Variants in SORCS2 observed in about 807,000 individuals in gnomAD.
SORCS2 encodes sortilin related VPS10 domain containing receptor 2.
SORCS2 carries 100 observed loss-of-function variants against 141.6 expected under a neutral mutation model. The observed-to-expected ratio is 0.71, with a 90% CI of 0.60 to 0.83. The LOEUF (loss-of-function observed/expected upper bound fraction) is 0.83, where lower values mean the gene tolerates loss of function less well. SORCS2 is among the 40% of genes least tolerant of loss of function. The probability of loss-of-function intolerance (pLI) is 0.00; values close to 1 mark genes in which losing one functional copy is unlikely to be tolerated. For missense variants in SORCS2, 1,646 were observed against 1,560.2 expected, an observed-to-expected ratio of 1.05 and a Z score of -0.93; for synonymous variants, 789 against 676.9, an observed-to-expected ratio of 1.17 and a Z score of -2.57.
At chr4:7,314,810 T>G (rs1406317042) in intron 1 of SORCS2, among the ~76,000 whole-genome samples, 5 of 78,324 alleles carry the variant, frequency 6.4e-5, no homozygotes, top group Non-Finnish European at 1.2e-4. Context: ...GTTTTTTTTT[T>G]TTTTTTTTTT....
At chr4:7,599,507 C>A (rs1717514425) in intron 3 of SORCS2, among the ~76,000 whole-genome samples, 1 of 152,194 alleles carries the variant, frequency 6.6e-6, no homozygotes, top group South Asian at 2.1e-4. Context: ...AGTTGGATAA[C>A]CCCAGGCCCC....
chr4:7,631,793 C>A (rs1366751980), intron 3 of SORCS2, among the ~76,000 whole-genome samples: 1 of 152,066 alleles, frequency 6.6e-6, no homozygotes, highest in African/African-American at 2.4e-5. Context: ...TCCCTTCCCT[C>A]TTCACAGGGT....
At chr4:7,455,340 C>T (rs1344013923) in intron 2 of SORCS2, among the ~76,000 whole-genome samples, 7 of 42,858 alleles carry the variant, frequency 1.6e-4, no homozygotes, top group African/African-American at 2.2e-4. Flanking sequence ...GGTCAGGCTC[C>T]GTGTTGGGGT....
chr4:7,422,046 C>T (rs558057026), intron 2 of SORCS2, among the ~76,000 whole-genome samples: 47 of 152,292 alleles, frequency 3.1e-4, no homozygotes, highest in East Asian at 1.3e-3. Context: ...CCAGCCTGGT[C>T]GGTGCCCCCT....
intron 1 of SORCS2, among the ~76,000 whole-genome samples, chr4:7,332,686 T>A (rs1719728562): frequency 6.6e-6 from 1 of 152,248 alleles, no homozygotes; most frequent in South Asian, 2.1e-4. Context: ...AGTCACACCC[T>A]GTGCAGGGCT....
At chr4:7,218,523 T>G (rs1577288839) in intron 1 of SORCS2, among the ~76,000 whole-genome samples, 2 of 152,358 alleles carry the variant, frequency 1.3e-5, no homozygotes, top group East Asian at 3.9e-4. Flanking sequence ...CTCAAGAGAT[T>G]AAAGGCATTT....
intron 1 of SORCS2, among the ~76,000 whole-genome samples, chr4:7,275,304 T>A (rs73206457): frequency 0.093 from 14,192 of 152,104 alleles, 852 homozygotes; most frequent in East Asian, 0.2. Context: ...GGCTGTAGGG[T>A]TGAGGGCTCT....
chr4:7,724,557 A>T (rs1726948082), intron 19 of SORCS2, among the ~76,000 whole-genome samples: 1 of 77,062 alleles, frequency 1.3e-5, no homozygotes. Context: ...AGTGGTGGGA[A>T]TGGATGGTGG....
chr4:7,735,406 G>GT (rs1448745748), intron 25 of SORCS2: 2 of 154,472 alleles, frequency 1.3e-5, no homozygotes, highest in East Asian at 3.9e-4. Context: ...GTAGTTTCAT[G>GT]TGTGCCCCCG....
intron 2 of SORCS2, among the ~76,000 whole-genome samples, chr4:7,422,678 A>G (rs1305633143): frequency 6.6e-6 from 1 of 151,880 alleles, no homozygotes; most frequent in Non-Finnish European, 1.5e-5. Flanking sequence ...TCCACCTGCA[A>G]TTCCTCCAGG....
intron 2 of SORCS2, among the ~76,000 whole-genome samples, chr4:7,476,242 C>T (rs1730283467): frequency 1.3e-5 from 2 of 152,188 alleles, no homozygotes; most frequent in Non-Finnish European, 2.9e-5. Context: ...GACAGATATA[C>T]ACATAGACAC....
rs143711940 is a variant in SORCS2 at position 7,663,462 on chromosome 4, G to C, written c.953-891G>C. On this transcript the variant is annotated intron_variant, in intron 6 of 26. Coordinates refer to ENST00000507866, the MANE Select transcript of SORCS2 (RefSeq NM_020777.3). This position sits in a 1 kb window ranked among gnomAD's most constrained non-coding sequence, Gnocchi z 4.8. ...GTTCAGTGGTTCAGTGTTGAGTGCC[G>C]GGCACACCAGTCAGTTTCAAGGGAA... Among the ~76,000 whole-genome samples, 616 of 152,280 alleles carry C rather than the reference G, an allele frequency of 4.0e-3. 6 individuals carry two copies. The highest frequency in any genetic ancestry group is 0.012 in the African/African-American group (498 of 41,552).
rs566055912 is a variant in SORCS2, at chr4:7,218,571, T to C, written c.480+25445T>C. On this transcript the variant is annotated intron_variant, in intron 1 of 26. Transcript: ENST00000507866. ...CTTGAGAAGCCTACTGCATATTCTTTGTCTCTATTTATGCTCAGTGTATGG... is the reference window on the plus strand; with the variant it reads ...CTTGAGAAGCCTACTGCATATTCTTCGTCTCTATTTATGCTCAGTGTATGG... Among the ~76,000 whole-genome samples, 23 of 152,370 alleles carry C rather than the reference T, an allele frequency of 1.5e-4. No individual in the cohort carries two copies. In the South Asian group the frequency reaches 4.3e-3, roughly 29 times the overall value.
intron 14 of SORCS2, among the ~76,000 whole-genome samples, chr4:7,710,271 G>T (rs560565427): frequency 6.6e-6 from 1 of 152,330 alleles, no homozygotes; most frequent in East Asian, 1.9e-4. Context: ...CCTCCAGGAG[G>T]TGGCCTGAAG....
chr4:7,737,385 A>G (rs1357472723), intron 26 of SORCS2, among the ~76,000 whole-genome samples: 1 of 152,052 alleles, frequency 6.6e-6, no homozygotes, highest in Non-Finnish European at 1.5e-5. Context: ...GGCAGAGATG[A>G]AATCTGAGAC....
intron 1 of SORCS2, among the ~76,000 whole-genome samples, chr4:7,354,708 AAGAG>A (rs145745168): frequency 1.4e-4 from 22 of 152,022 alleles, no homozygotes; most frequent in African/African-American, 4.1e-4. Flanking sequence ...GAGAGAGAGA[AAGAG>A]AGAGAGAGGA....
intron 1 of SORCS2, among the ~76,000 whole-genome samples, chr4:7,329,055 C>T (rs533958457): frequency 1.6e-4 from 25 of 152,322 alleles, no homozygotes; most frequent in Middle Eastern, 6.8e-3. Context: ...GAAGGCCACA[C>T]GGAGGCGACC....
At chr4:7,487,988 G>T (rs1480913280) in intron 2 of SORCS2, among the ~76,000 whole-genome samples, 2 of 152,174 alleles carry the variant, frequency 1.3e-5, no homozygotes, top group Non-Finnish European at 2.9e-5. Context: ...GCAAGTGCTG[G>T]GCTTTCTTCC....
intron 3 of SORCS2, among the ~76,000 whole-genome samples, chr4:7,622,972 C>T (rs1042893449): frequency 1.3e-5 from 2 of 152,128 alleles, no homozygotes; most frequent in African/African-American, 4.8e-5. Flanking sequence ...GAGCCACTCC[C>T]TGCCACTGAG....
Sources: allele counts gnomAD v4.1 joint callset (sites outside exome capture counted in the v4.1 genomes callset), GRCh38; gene constraint gnomAD v4.1.1; non-coding constraint Gnocchi (gnomAD v3.1); transcripts MANE v1.5; gene names NCBI Gene and HGNC (gene_info 2026-07-23, HGNC 2026-07-21).